GABRA2: variants seen among roughly 807,000 people sequenced by gnomAD.
GABRA2 encodes the protein gamma-aminobutyric acid receptor subunit alpha-2.
A neutral mutation model predicts 48.7 loss-of-function variants in GABRA2; 16 were observed. The ratio of observed to expected loss-of-function variants is 0.33; its 90% CI spans 0.22 to 0.50. The LOEUF is 0.50. GABRA2 is among the 20% of genes least tolerant of loss of function. GABRA2 has a pLI of 0.98. For synonymous variants in GABRA2, 185 were observed against 184.5 expected (o/e 1.00, Z -0.02); for missense variants, 275 against 535.6 (o/e 0.51, Z 4.80).
At chr4:46,362,664 A>G (rs1713400640) in intron 3 of GABRA2, among the ~76,000 whole-genome samples, 3 of 152,252 alleles carry the variant, frequency 2.0e-5, no homozygotes, top group South Asian at 4.1e-4. Context: ...CAGAACCACA[A>G]AAAGCAACTA....
intron 3 of GABRA2, among the ~76,000 whole-genome samples, chr4:46,374,032 T>C (rs996477554): frequency 2.6e-5 from 4 of 152,142 alleles, no homozygotes; most frequent in Non-Finnish European, 5.9e-5. Context: ...GCCCACTATT[T>C]TTTTCTTGAA....
Position 46,266,905 on chromosome 4 carries a change from G to A in GABRA2, c.857-4777C>T, listed in dbSNP as rs368427006. On this transcript the variant is annotated intron_variant, in intron 8 of 9. Transcript: ENST00000381620. Reference sequence around the variant, plus strand: ...TCCAGCTTATTTATTTTTATTTTTAGTAGAGACGGGGTTTCACCATGTTAT... The same window carrying A: ...TCCAGCTTATTTATTTTTATTTTTAATAGAGACGGGGTTTCACCATGTTAT... Among the ~76,000 whole-genome samples, 53 of 151,688 alleles carry A rather than the reference G, an allele frequency of 3.5e-4. No homozygotes were observed. The Middle Eastern group carries it at 0.014, about 39-fold the overall frequency.
At chr4:46,271,150 A>G (rs985199347) in intron 8 of GABRA2, among the ~76,000 whole-genome samples, 1 of 152,032 alleles carries the variant, frequency 6.6e-6, no homozygotes, top group African/African-American at 2.4e-5. Flanking sequence ...CTCAGAAACC[A>G]AACAGGCACG....
intron 8 of GABRA2, among the ~76,000 whole-genome samples, chr4:46,290,883 G>T (rs1470392699): frequency 2.0e-5 from 3 of 151,976 alleles, no homozygotes; most frequent in African/African-American, 4.8e-5. Context: ...CATTAATGTG[G>T]TATAGTATAT....
chr4:46,390,093 TGCG>T lies in GABRA2; in HGVS notation c.-372_-370del. On this transcript the variant is annotated 5_prime_UTR_variant, in exon 1 of 10. Transcript: ENST00000381620. ...TGGGGGGACGCGGGCGGAGGCGCGG[TGCG>T]CGCCGGCGGTGGCGGGCACGAGCCC... is the stretch of plus-strand genomic sequence containing the variant. 1 of 852,558 alleles carries T rather than the reference TGCG, an allele frequency of 1.2e-6. No individual in the cohort carries two copies. The highest frequency in any genetic ancestry group is 1.4e-6 in the Non-Finnish European group (1 of 720,880). The allele number at this position is 852,558 out of a possible 1,614,324, so 52.8% of individuals were successfully genotyped here. A position where few individuals can be genotyped will look rare whatever the true frequency, so the allele number is the denominator to read the frequency against.
chr4:46,337,846 G>A (rs893657193), intron 3 of GABRA2, among the ~76,000 whole-genome samples: 2 of 151,546 alleles, frequency 1.3e-5, no homozygotes, highest in African/African-American at 2.4e-5. Flanking sequence ...GTAAATGGAG[G>A]GTAAGGACAT....
At chr4:46,387,692 T>G (rs374308127) in intron 2 of GABRA2, among the ~76,000 whole-genome samples, 30 of 152,274 alleles carry the variant, frequency 2.0e-4, no homozygotes, top group African/African-American at 6.5e-4. Flanking sequence ...ATTTTCCAAA[T>G]GAAAGCAAGG....
chr4:46,361,268 G>GC (rs536355885), intron 3 of GABRA2, among the ~76,000 whole-genome samples: 1 of 152,034 alleles, frequency 6.6e-6, no homozygotes, highest in Non-Finnish European at 1.5e-5. Context: ...AATGGGCCTG[G>GC]CCGAGGGTCC....
chr4:46,247,313 T>A lies in GABRA2; in HGVS notation c.*2995A>T, dbSNP rs992249474. Among the ~76,000 whole-genome samples the A allele has an allele frequency of 6.6e-6, 1 of 151,158 alleles. No individual in the cohort carries two copies. The highest frequency in any genetic ancestry group is 2.4e-5 in the African/African-American group (1 of 41,332). ...ACAGCCACCTATCCTAGCACACTAG[T>A]GGCATCATAGCTCATTAAAGAACTC... On this transcript the variant is annotated 3_prime_UTR_variant, in exon 10 of 10. Coordinates refer to ENST00000381620, the MANE Select transcript of GABRA2 (RefSeq NM_000807.4).
intron 9 of GABRA2, chr4:46,256,240 C>A (rs1715800608): frequency 1.4e-6 from 1 of 694,718 alleles, no homozygotes; most frequent in Non-Finnish European, 2.6e-6. Context: ...TCTCTAAGTA[C>A]TCTAAAGTCT....
rs566231510 is a variant in GABRA2, at chr4:46,250,751, G to A, written c.1060-147C>T. ...ACAGAAATTAGGAAAATAAATAAAGGTGTTTATTAAATTCCAAATCCATTA... is the reference window on the plus strand; with the variant it reads ...ACAGAAATTAGGAAAATAAATAAAGATGTTTATTAAATTCCAAATCCATTA... On this transcript the variant is annotated intron_variant, in intron 9 of 9. Coordinates refer to ENST00000381620, the MANE Select transcript of GABRA2 (RefSeq NM_000807.4). 8.2e-6 allele frequency: 5 copies of A among 611,190 alleles called. No individual in the cohort carries two copies. The East Asian group carries it at 1.4e-4, about 18-fold the overall frequency. 37.9% of individuals were successfully genotyped at this position (611,190 alleles called of 1,614,324 possible). A position where few individuals can be genotyped will look rare whatever the true frequency, so the allele number is the denominator to read the frequency against.
At chr4:46,258,271 T>C (rs1235170098) in intron 9 of GABRA2, among the ~76,000 whole-genome samples, 1 of 151,854 alleles carries the variant, frequency 6.6e-6, no homozygotes, top group Non-Finnish European at 1.5e-5. Context: ...AAATGGTCAT[T>C]GTCATGATCA....
At chr4:46,296,956 T>C (rs1040760896) in intron 8 of GABRA2, among the ~76,000 whole-genome samples, 1 of 152,188 alleles carries the variant, frequency 6.6e-6, no homozygotes, top group Non-Finnish European at 1.5e-5. Flanking sequence ...TGGGGATTGG[T>C]GCATTTCCGG....
chr4:46,350,785 A>C (rs763649163), intron 3 of GABRA2, among the ~76,000 whole-genome samples: 6 of 151,990 alleles, frequency 3.9e-5, no homozygotes, highest in Non-Finnish European at 8.8e-5. Flanking sequence ...ATATACTAAG[A>C]TAAAAGACAA....
chr4:46,321,985 GATCCAGTATTC>G lies in GABRA2; in HGVS notation c.256-9280_256-9270del, dbSNP rs1162339267. 3.3e-5 allele frequency among the ~76,000 whole-genome samples: 5 copies of G among 152,106 alleles called. No homozygotes were observed. The East Asian group carries it at 9.7e-4, about 30-fold the overall frequency. On this transcript the variant is annotated intron_variant, in intron 4 of 9. Transcript: ENST00000381620. ...GACATCACAAGTATGCCCCATGGGA[GATCCAGTATTC>G]ATCCACCAACCATACAAACGGCATA...
chr4:46,342,606 G>C (rs577470550), intron 3 of GABRA2, among the ~76,000 whole-genome samples: 4 of 151,974 alleles, frequency 2.6e-5, no homozygotes, highest in African/African-American at 9.6e-5. Flanking sequence ...TTCTGCCTAC[G>C]AGGCCCTTGT....
rs543478343 is a variant in GABRA2, at chr4:46,258,236, C to T, written c.1059+3690G>A. ...ACATGTAAGAACCTGTACAAAATGC[C>T]AGAAAGAAGTGATGTGTTAAACAAA... On this transcript the variant is annotated intron_variant, in intron 9 of 9. Transcript: ENST00000381620. Among the ~76,000 whole-genome samples the T allele has an allele frequency of 1.1e-3, 168 of 151,702 alleles. 2 individuals are homozygous for T. The highest frequency in any genetic ancestry group is 4.0e-3 in the African/African-American group (166 of 41,452).
chr4:46,302,530 C>T (rs1725926858), intron 8 of GABRA2: 1 of 152,144 alleles, frequency 6.6e-6, no homozygotes, highest in Non-Finnish European at 1.5e-5. Context: ...GTCTCTCTTC[C>T]TCCCTCCCTT....
In GABRA2 at chr4:46,247,842, T is replaced by G. The variant is rs543107091; in HGVS notation, c.*2466A>C. Among the ~76,000 whole-genome samples the G allele has an allele frequency of 4.8e-4, 72 of 151,392 alleles. No individual in the cohort carries two copies. Among genetic ancestry groups the G allele is most frequent in the African/African-American group, 1.7e-3 (69 of 41,436 alleles). On this transcript the variant is annotated 3_prime_UTR_variant, in exon 10 of 10. Transcript: ENST00000381620. ...CCACAAGAGAAGAAGCTCCTTTTGA[T>G]TTATTTAAACATTAAAAGAAGAAGA...
Sources: gnomAD v4.1 joint callset for allele counts (sites outside exome capture counted in the v4.1 genomes callset) on GRCh38, gnomAD v4.1.1 for gene constraint, MANE v1.5 for transcripts, NCBI Gene and HGNC (gene_info 2026-07-23, HGNC 2026-07-21) for gene names.